ADAMTS16: variants seen among roughly 807,000 people sequenced by gnomAD.
The protein encoded by ADAMTS16 is ADAM metallopeptidase with thrombospondin type 1 motif 16, also known as A disintegrin and metalloproteinase with thrombospondin motifs 16.
ADAMTS16 carries 94 observed loss-of-function variants against 145.8 expected under a neutral mutation model. That is an observed-to-expected ratio of 0.64 (90% CI 0.55 to 0.77). The LOEUF is 0.77. ADAMTS16 is among the 30% of genes least tolerant of loss of function. The probability of loss-of-function intolerance (pLI) is 0.00; values close to 1 mark genes in which losing one functional copy is unlikely to be tolerated. For missense variants in ADAMTS16, 1,585 were observed against 1,591.5 expected, an observed-to-expected ratio of 1.00 and a Z score of 0.07; for synonymous variants, 659 against 604.3, an observed-to-expected ratio of 1.09 and a Z score of -1.33.
At position 5,186,245 on chromosome 5, in the gene ADAMTS16, C is replaced by G; in HGVS notation, c.957C>G (p.Leu319=). 6.2e-7 allele frequency: 1 copy of G among 1,613,294 alleles called. No individual in the cohort carries two copies. The highest frequency in any genetic ancestry group is 1.1e-5 in the South Asian group (1 of 91,054). ...TCACCACCTACGTGCTCACGATACT[C>G]AACATGGTAGGATCATCCTTCCAGT... The part of the protein sequence containing the change: ...ENITTYVLTI[L]NMVSALFKDG... Residue 319 remains leucine (L), a synonymous_variant, in exon 5 of 23, where the codon CTC becomes CTG. Coordinates refer to ENST00000274181, the MANE Select transcript of ADAMTS16 (RefSeq NM_139056.4).
intron 17 of ADAMTS16, among the ~76,000 whole-genome samples, chr5:5,250,198 C>G (rs911682190): frequency 1.3e-5 from 2 of 152,102 alleles, no homozygotes; most frequent in African/African-American, 4.8e-5. Flanking sequence ...GGGTGGAGCC[C>G]TCACCAGGAA....
At chr5:5,247,049 A>T (rs1234502096) in intron 17 of ADAMTS16, among the ~76,000 whole-genome samples, 1 of 152,246 alleles carries the variant, frequency 6.6e-6, no homozygotes, top group Non-Finnish European at 1.5e-5. Context: ...TTTAAAGAGC[A>T]GCAGTGGGCT....
intron 16 of ADAMTS16, 64 bp from the exon 17 acceptor site, chr5:5,241,989 G>C (rs942066297): frequency 6.3e-7 from 1 of 1,576,050 alleles, no homozygotes; most frequent in Non-Finnish European, 8.7e-7. Context: ...TCTAAATCCC[G>C]TTAGCATGTA....
chr5:5,264,942 A>G (rs1738180866), intron 18 of ADAMTS16, among the ~76,000 whole-genome samples: 1 of 152,184 alleles, frequency 6.6e-6, no homozygotes, highest in Admixed American at 6.5e-5. Flanking sequence ...CCTGTGGGCC[A>G]CTGCAGGAGA....
In ADAMTS16 at chr5:5,196,409, C is replaced by T. The variant is rs527758029; in HGVS notation, c.1314-3723C>T. On this transcript the variant is annotated intron_variant, in intron 8 of 22. Transcript: ENST00000274181. ...TGTGCTTTGTCACCAGTCTGGGCCTCTTCCAGTGCATCAGGGAGGCATGTG... is the reference window on the plus strand; with the variant it reads ...TGTGCTTTGTCACCAGTCTGGGCCTTTTCCAGTGCATCAGGGAGGCATGTG... 2.0e-4 allele frequency among the ~76,000 whole-genome samples: 30 copies of T among 152,232 alleles called. 1 individual carries two copies. The highest frequency in any genetic ancestry group is 1.9e-3 in the Admixed American group (29 of 15,296).
chr5:5,315,589 C>T (rs935475536), intron 21 of ADAMTS16, among the ~76,000 whole-genome samples: 8 of 152,056 alleles, frequency 5.3e-5, no homozygotes, highest in African/African-American at 9.7e-5. Flanking sequence ...CTGATGGATG[C>T]GGATGTGGCC....
chr5:5,140,658 C>T lies in ADAMTS16; in HGVS notation c.73-6C>T. The T allele has an allele frequency of 6.5e-7, 1 of 1,545,084 alleles. No homozygotes were observed. Among genetic ancestry groups the T allele is most frequent in the South Asian group, 1.2e-5 (1 of 84,548 alleles). On this transcript the variant is annotated splice_region_variant and splice_polypyrimidine_tract_variant and intron_variant, in intron 1 of 22. Coordinates refer to ENST00000274181, the MANE Select transcript of ADAMTS16 (RefSeq NM_139056.4). ...CTCACCGCGATGTCGCCGCTGTTTT[C>T]CGCAGGCACCTGCGTGCGCCATGGG... is the stretch of plus-strand genomic sequence containing the variant.
intron 3 of ADAMTS16, among the ~76,000 whole-genome samples, chr5:5,175,380 T>C (rs1055291555): frequency 6.6e-6 from 1 of 152,184 alleles, no homozygotes; most frequent in Non-Finnish European, 1.5e-5. Flanking sequence ...GGTCTCTGAA[T>C]TGCAAGACAA....
rs772926813 is a variant in ADAMTS16 at position 5,318,296 on chromosome 5, C to A, written c.3559+15C>A. On this transcript the variant is annotated intron_variant, in intron 22 of 22. Coordinates refer to ENST00000274181, the MANE Select transcript of ADAMTS16 (RefSeq NM_139056.4). ...AGAGAAGAAAGGTGAGTACATGGGG[C>A]CCCTCAGCATGACCTGGGCATGGGG... 2 of 1,425,248 alleles carry A rather than the reference C, an allele frequency of 1.4e-6. No individual in the cohort carries two copies. Among genetic ancestry groups the A allele is most frequent in the African/African-American group, 1.4e-5 (1 of 69,406 alleles). 88.3% of individuals were successfully genotyped at this position (1,425,248 alleles called of 1,614,324 possible). A position where few individuals can be genotyped will look rare whatever the true frequency, so the allele number is the denominator to read the frequency against.
intron 8 of ADAMTS16, 36 bp downstream of exon 8, chr5:5,191,826 T>A: frequency 2.0e-6 from 3 of 1,506,148 alleles, no homozygotes; most frequent in Non-Finnish European, 2.7e-6. Flanking sequence ...GCATCCCGAG[T>A]TTTTTCCTTA....
intron 21 of ADAMTS16, among the ~76,000 whole-genome samples, chr5:5,308,654 C>T (rs1579412676): frequency 6.6e-6 from 1 of 152,238 alleles, no homozygotes; most frequent in East Asian, 1.9e-4. Flanking sequence ...GTAAGGCCAG[C>T]ATAGATCAAG....
At chr5:5,169,671 C>T (rs1734996025) in intron 3 of ADAMTS16, among the ~76,000 whole-genome samples, 1 of 152,166 alleles carries the variant, frequency 6.6e-6, no homozygotes, top group African/African-American at 2.4e-5. Flanking sequence ...GCTAGGTGTC[C>T]TTGCTGCATG....
At chr5:5,141,258 T>C (rs965956617) in intron 2 of ADAMTS16, among the ~76,000 whole-genome samples, 1 of 152,188 alleles carries the variant, frequency 6.6e-6, no homozygotes, top group African/African-American at 2.4e-5. Flanking sequence ...ATACCAAAGT[T>C]AATGCTCCAA....
At chr5:5,253,041 T>C (rs571456555) in intron 17 of ADAMTS16, among the ~76,000 whole-genome samples, 1 of 152,334 alleles carries the variant, frequency 6.6e-6, no homozygotes, top group South Asian at 2.1e-4. Flanking sequence ...TGCTCATGCC[T>C]CCATAATCTT....
chr5:5,152,101 T>G (rs1280825037), intron 3 of ADAMTS16, among the ~76,000 whole-genome samples: 2 of 152,244 alleles, frequency 1.3e-5, no homozygotes, highest in Non-Finnish European at 2.9e-5. Flanking sequence ...ACCAAAATCT[T>G]TATTATTTTT....
At position 5,269,783 on chromosome 5, in the gene ADAMTS16, G is replaced by C. The variant is rs1579361621; in HGVS notation, c.2789+7000G>C. 6.6e-6 allele frequency among the ~76,000 whole-genome samples: 1 copy of C among 152,332 alleles called. No individual in the cohort carries two copies. The highest frequency in any genetic ancestry group is 2.1e-4 in the South Asian group (1 of 4,824). On this transcript the variant is annotated intron_variant, in intron 18 of 22. Coordinates refer to ENST00000274181, the MANE Select transcript of ADAMTS16 (RefSeq NM_139056.4). This position sits in a 1 kb window ranked among gnomAD's most constrained non-coding sequence, Gnocchi z 4.3. Reference sequence around the variant, plus strand: ...TGGTATTGAGAGATTTGGAGCTGAAGACATCCCTGCGTTCTGCTGTGTCCT... The same window carrying C: ...TGGTATTGAGAGATTTGGAGCTGAACACATCCCTGCGTTCTGCTGTGTCCT...
At chr5:5,141,461 T>C (rs270199) in intron 2 of ADAMTS16, among the ~76,000 whole-genome samples, 71,164 of 152,088 alleles carry the variant, frequency 0.47, 17,014 homozygotes, top group Admixed American at 0.59. Context: ...AAGGGATCTC[T>C]GTGTCTTCAT....
intron 18 of ADAMTS16, among the ~76,000 whole-genome samples, chr5:5,276,877 G>GA (rs35093321): frequency 0.66 from 99,461 of 150,778 alleles, 33,238 homozygotes; most frequent in Middle Eastern, 0.75. Flanking sequence ...GAAGGAAAAT[G>GA]AAAAAAAAAA....
intron 3 of ADAMTS16, among the ~76,000 whole-genome samples, chr5:5,157,324 A>G (rs1734627779): frequency 6.6e-6 from 1 of 152,112 alleles, no homozygotes; most frequent in South Asian, 2.1e-4. Context: ...ATTGATAACA[A>G]ATGGAAATAC....
Sources: gnomAD v4.1 joint callset for allele counts (sites outside exome capture counted in the v4.1 genomes callset) on GRCh38, gnomAD v4.1.1 for gene constraint, Gnocchi (gnomAD v3.1) non-coding constraint, MANE v1.5 for transcripts, NCBI Gene and HGNC (gene_info 2026-07-23, HGNC 2026-07-21) for gene names.